LAMA3: variants seen among roughly 807,000 people sequenced by gnomAD.
LAMA3 encodes the protein laminin subunit alpha 3, also known as laminin subunit alpha-3.
Under a neutral mutation model 402.0 loss-of-function variants are expected in LAMA3, and 281 were observed. The ratio of observed to expected loss-of-function variants is 0.70; its 90% CI spans 0.63 to 0.77. The LOEUF is 0.77. Among genes scored for constraint, LAMA3 ranks in the 30% least tolerant of loss-of-function variants. The pLI is 0.00. For synonymous variants in LAMA3, 1,431 were observed against 1,558.4 expected, an observed-to-expected ratio of 0.92 and a Z score of 1.93; for missense variants, 3,840 against 4,215.5, an observed-to-expected ratio of 0.91 and a Z score of 2.47.
chr18:23,838,305 A>G (rs1367380501), intron 25 of LAMA3, among the ~76,000 whole-genome samples: 5 of 152,238 alleles, frequency 3.3e-5, no homozygotes, highest in Non-Finnish European at 7.3e-5. Context: ...TTCCTTCAAC[A>G]AAGGCCAAAT....
At chr18:23,719,970 A>C (rs1268486212) in intron 2 of LAMA3, among the ~76,000 whole-genome samples, 3 of 152,204 alleles carry the variant, frequency 2.0e-5, no homozygotes, top group Admixed American at 6.5e-5. Flanking sequence ...TATAAGCTTC[A>C]GGAGGCCAGG....
chr18:23,852,095 C>T (rs2063958811), intron 32 of LAMA3, among the ~76,000 whole-genome samples: 1 of 152,310 alleles, frequency 6.6e-6, no homozygotes, highest in Non-Finnish European at 1.5e-5. Flanking sequence ...ATATTATCCC[C>T]CTTCCTTTCC....
chr18:23,890,370 A>C (rs2080617938), intron 42 of LAMA3, among the ~76,000 whole-genome samples: 1 of 152,058 alleles, frequency 6.6e-6, no homozygotes. Context: ...TAAAAAGTGA[A>C]TTGTTTTTGA....
intron 23 of LAMA3, among the ~76,000 whole-genome samples, chr18:23,829,037 C>T (rs1275280979): frequency 6.6e-6 from 1 of 151,902 alleles, no homozygotes; most frequent in African/African-American, 2.4e-5. Context: ...GGGATAATAC[C>T]CTATAATCAA....
chr18:23,869,629 A>C (rs1167973260), intron 37 of LAMA3, among the ~76,000 whole-genome samples: 1 of 152,242 alleles, frequency 6.6e-6, no homozygotes, highest in African/African-American at 2.4e-5. Flanking sequence ...ATTTGTTAAG[A>C]ATGGTGCTGA....
intron 6 of LAMA3, among the ~76,000 whole-genome samples, chr18:23,755,401 A>G (rs1421336993): frequency 6.6e-6 from 1 of 152,228 alleles, no homozygotes; most frequent in Non-Finnish European, 1.5e-5. Flanking sequence ...CCACTTCAAC[A>G]TGACTGCCTG....
intron 10 of LAMA3, among the ~76,000 whole-genome samples, chr18:23,777,002 G>A (rs771291907): frequency 6.6e-6 from 1 of 151,916 alleles, no homozygotes; most frequent in Non-Finnish European, 1.5e-5. Flanking sequence ...CACCACGCCT[G>A]GCTAATTTTG....
rs557420509 is a variant in LAMA3, at chr18:23,909,221, C to T, written c.7084C>T (p.Pro2362Ser). 2 of 1,613,858 alleles carry T rather than the reference C, an allele frequency of 1.2e-6. No homozygotes were observed. The highest frequency in any genetic ancestry group is 1.3e-5 in the African/African-American group (1 of 75,054). Residue 2362 changes from proline (P) to serine (S), a missense_variant, in exon 55 of 75, where the codon CCC (proline) becomes TCC (serine). Pro to Ser is a moderately conservative substitution (Grantham distance 74). Transcript: ENST00000313654. The part of the protein sequence containing the change: ...KIESINQQLL[P>S]LGNISDNMDR... ...TGAAAGTATCAACCAACAGCTGTTG[C>T]CCTTGGGAAACATCTCTGACAACAT...
At chr18:23,914,966 G>A (rs548611336) in intron 58 of LAMA3, 106 bp downstream of exon 58, 82 of 962,692 alleles carry the variant, frequency 8.5e-5, no homozygotes, top group Non-Finnish European at 1.2e-4. Context: ...GGATTTAACC[G>A]CACATTCTTA....
intron 12 of LAMA3, among the ~76,000 whole-genome samples, chr18:23,793,325 T>C (rs1325270842): frequency 6.6e-6 from 1 of 151,874 alleles, no homozygotes; most frequent in Non-Finnish European, 1.5e-5. Context: ...GGGAATTGGC[T>C]TACCCTGGGA....
At chr18:23,811,337 A>G (rs974284816) in intron 13 of LAMA3, among the ~76,000 whole-genome samples, 1 of 152,054 alleles carries the variant, frequency 6.6e-6, no homozygotes, top group Non-Finnish European at 1.5e-5. Context: ...CCATCAGGAG[A>G]ATGTGGTTTC....
intron 13 of LAMA3, among the ~76,000 whole-genome samples, chr18:23,811,769 C>A (rs533449027): frequency 2.0e-4 from 31 of 152,232 alleles, no homozygotes; most frequent in Non-Finnish European, 3.7e-4. Flanking sequence ...GTAATCCCAG[C>A]ACTTTGGGAG....
At chr18:23,924,835 G>A (rs1042285686) in intron 62 of LAMA3, among the ~76,000 whole-genome samples, 15 of 152,160 alleles carry the variant, frequency 9.9e-5, no homozygotes, top group African/African-American at 3.4e-4. Context: ...AAGCCACCAT[G>A]CACAGCCTAT....
intron 62 of LAMA3, among the ~76,000 whole-genome samples, chr18:23,925,208 A>G (rs900324403): frequency 5.3e-5 from 8 of 152,256 alleles, no homozygotes; most frequent in African/African-American, 1.7e-4. Flanking sequence ...AAGGCAAGCA[A>G]GTGTAATCAC....
chr18:23,889,297 T>A (rs1035297518), intron 41 of LAMA3, among the ~76,000 whole-genome samples: 2 of 152,110 alleles, frequency 1.3e-5, no homozygotes, highest in African/African-American at 2.4e-5. Context: ...CCTGGTGGCA[T>A]GCACCTGTAG....
At chr18:23,791,119 G>A (rs1311185658) in intron 12 of LAMA3, among the ~76,000 whole-genome samples, 1 of 152,000 alleles carries the variant, frequency 6.6e-6, no homozygotes, top group Non-Finnish European at 1.5e-5. Flanking sequence ...CTCGTGATCC[G>A]CCCGCCTCAG....
chr18:23,705,091 G>A (rs1436808517), intron 1 of LAMA3, among the ~76,000 whole-genome samples: 1 of 152,034 alleles, frequency 6.6e-6, no homozygotes, highest in Non-Finnish European at 1.5e-5. Context: ...TAATAGCCTT[G>A]GTGCAATTCC....
chr18:23,884,800 G>C lies in LAMA3; in HGVS notation c.5250G>C (p.Gly1750=), dbSNP rs2065016098. Residue 1750 remains glycine (G), a synonymous_variant, in exon 41 of 75, where the codon GGG becomes GGC. Transcript: ENST00000313654. ...TTGCCACTGGCTGTGTGGTGAATGG[G>C]GGAGACGTGCGGTGCTCCTGCAAAG... ...NSFATGCVVN[G]GDVRCSCKAG... 6.2e-7 allele frequency: 1 copy of C among 1,613,816 alleles called. No individual in the cohort carries two copies. The highest frequency in any genetic ancestry group is 1.1e-5 in the South Asian group (1 of 91,042).
intron 66 of LAMA3, among the ~76,000 whole-genome samples, chr18:23,932,861 A>T (rs2082205423): frequency 6.6e-6 from 1 of 152,222 alleles, no homozygotes; most frequent in Non-Finnish European, 1.5e-5. Flanking sequence ...TTCTCAGGCT[A>T]CCATGACAGG....
Sources: allele counts gnomAD v4.1 joint callset (sites outside exome capture counted in the v4.1 genomes callset), GRCh38; gene constraint gnomAD v4.1.1; transcripts MANE v1.5; gene names NCBI Gene and HGNC (gene_info 2026-07-23, HGNC 2026-07-21).